The following SLC9A9 variants were observed in gnomAD, a reference collection of about 807,000 sequenced individuals.
SLC9A9 encodes solute carrier family 9 member A9.
In SLC9A9, 62 loss-of-function variants were observed where a neutral mutation model predicts 77.8. That is an observed-to-expected ratio of 0.80 (90% confidence interval 0.65 to 0.98). The LOEUF (loss-of-function observed/expected upper bound fraction) is 0.98. Among genes scored for constraint, SLC9A9 ranks in the 50% least tolerant of loss-of-function variants. The pLI is 0.00. For missense variants in SLC9A9, 775 were observed against 774.9 expected (o/e 1.00, Z 0.00); for synonymous variants, 320 against 283.5 (o/e 1.13, Z -1.29).
intron 4 of SLC9A9, among the ~76,000 whole-genome samples, chr3:143,774,603 G>T (rs145854577): frequency 6.6e-6 from 1 of 152,160 alleles, no homozygotes; most frequent in African/African-American, 2.4e-5. Flanking sequence ...AGACAGAGTA[G>T]CCTGGAAGTG....
intron 9 of SLC9A9, among the ~76,000 whole-genome samples, chr3:143,496,449 T>C (rs2035834317): frequency 6.6e-6 from 1 of 152,242 alleles, no homozygotes; most frequent in South Asian, 2.1e-4. Context: ...TTTCATGTAA[T>C]GTATTTACAG....
intron 14 of SLC9A9, among the ~76,000 whole-genome samples, chr3:143,341,132 C>T (rs940606792): frequency 1.3e-5 from 2 of 152,130 alleles, no homozygotes; most frequent in African/African-American, 4.8e-5. Context: ...GAATTCCTTT[C>T]GCTGGATGTA....
chr3:143,358,732 TTTC>T (rs2032657990), intron 14 of SLC9A9, among the ~76,000 whole-genome samples: 1 of 152,200 alleles, frequency 6.6e-6, no homozygotes, highest in African/African-American at 2.4e-5. Context: ...GGGGCATCAA[TTTC>T]TTCTTCTTAC....
At chr3:143,700,423 A>G (rs1260973251) in intron 4 of SLC9A9, among the ~76,000 whole-genome samples, 1 of 152,196 alleles carries the variant, frequency 6.6e-6, no homozygotes, top group Non-Finnish European at 1.5e-5. Context: ...GCCCTGGGCC[A>G]GAGGGGAGGC....
intron 14 of SLC9A9, among the ~76,000 whole-genome samples, chr3:143,329,445 T>C (rs2031700258): frequency 6.6e-6 from 1 of 152,220 alleles, no homozygotes; most frequent in Non-Finnish European, 1.5e-5. Flanking sequence ...TGACATGAAA[T>C]TTGAAATCAT....
intron 14 of SLC9A9, among the ~76,000 whole-genome samples, chr3:143,287,782 C>T (rs941293288): frequency 1.3e-5 from 2 of 151,974 alleles, no homozygotes; most frequent in Non-Finnish European, 2.9e-5. Context: ...TAGGAATGGC[C>T]GGGGTGAAGA....
At chr3:143,472,864 T>C (rs1437889701) in intron 11 of SLC9A9, among the ~76,000 whole-genome samples, 1 of 152,218 alleles carries the variant, frequency 6.6e-6, no homozygotes, top group Non-Finnish European at 1.5e-5. Context: ...TTTATTGAGA[T>C]CCTTTAAAAC....
At chr3:143,841,751 G>GTTCTTTTCTTTTTTTTT (rs1303211006) in intron 1 of SLC9A9, among the ~76,000 whole-genome samples, 1 of 10,132 alleles carries the variant, frequency 9.9e-5, no homozygotes, top group Non-Finnish European at 3.4e-4. Context: ...AAATATAGAG[G>GTTCTTTTCTTTTTTTTT]CTCTTTTCTT....
At position 143,576,888 on chromosome 3, in the gene SLC9A9, G is replaced by A. The variant is rs112649380; in HGVS notation, c.894+1697C>T. 3.9e-5 allele frequency among the ~76,000 whole-genome samples: 6 copies of A among 152,234 alleles called. 1 individual carries two copies. The highest frequency in any genetic ancestry group is 1.4e-4 in the African/African-American group (6 of 41,542). On this transcript the variant is annotated intron_variant, in intron 7 of 15. Coordinates refer to ENST00000316549, the MANE Select transcript of SLC9A9 (RefSeq NM_173653.4). ...TCTGACTGACTTTATTTCTGTCAAT[G>A]GAGATGCCATTTTACAAGGTTCTCA... is the stretch of plus-strand genomic sequence containing the variant.
chr3:143,717,065 C>T (rs1418648650), intron 4 of SLC9A9, among the ~76,000 whole-genome samples: 2 of 152,134 alleles, frequency 1.3e-5, no homozygotes, highest in Non-Finnish European at 2.9e-5. Context: ...GAGAGCCTCC[C>T]AGGGTGGGTA....
At chr3:143,674,507 G>A (rs1362221786) in intron 5 of SLC9A9, among the ~76,000 whole-genome samples, 1 of 152,118 alleles carries the variant, frequency 6.6e-6, no homozygotes, top group Non-Finnish European at 1.5e-5. Context: ...CAGCGCCCTG[G>A]TTCACACTTC....
chr3:143,630,304 A>G (rs1457299952), intron 6 of SLC9A9, among the ~76,000 whole-genome samples: 2 of 152,208 alleles, frequency 1.3e-5, no homozygotes, highest in Non-Finnish European at 2.9e-5. Flanking sequence ...GCAACAGCAG[A>G]AAATAACCAC....
chr3:143,630,503 A>G (rs547210780), intron 6 of SLC9A9, among the ~76,000 whole-genome samples: 224 of 152,322 alleles, frequency 1.5e-3, no homozygotes, highest in African/African-American at 4.1e-3. Context: ...TTCTTTTATC[A>G]CAGAAGCTAA....
intron 12 of SLC9A9, among the ~76,000 whole-genome samples, chr3:143,435,705 G>T (rs928482713): frequency 1.3e-5 from 2 of 152,162 alleles, no homozygotes; most frequent in African/African-American, 4.8e-5. Context: ...AGGAATGTAT[G>T]CTGGGGTGGG....
At chr3:143,303,387 G>A (rs1366396249) in intron 14 of SLC9A9, among the ~76,000 whole-genome samples, 1 of 135,118 alleles carries the variant, frequency 7.4e-6, no homozygotes, top group Non-Finnish European at 1.6e-5. Context: ...TTTTTTTTTT[G>A]AGGGAAGGAG....
At chr3:143,469,521 C>T (rs557337993) in intron 11 of SLC9A9, among the ~76,000 whole-genome samples, 81 of 152,076 alleles carry the variant, frequency 5.3e-4, no homozygotes, top group Admixed American at 1.2e-3. Context: ...AATCTGTATT[C>T]GTACATTAAA....
chr3:143,566,843 G>A (rs151244237), intron 8 of SLC9A9, among the ~76,000 whole-genome samples: 134 of 152,134 alleles, frequency 8.8e-4, no homozygotes, highest in African/African-American at 3.0e-3. Flanking sequence ...TGCTTCTGGC[G>A]AAAACCTGAC....
At chr3:143,613,355 CTG>C (rs2108702033) in intron 6 of SLC9A9, among the ~76,000 whole-genome samples, 1 of 152,240 alleles carries the variant, frequency 6.6e-6, no homozygotes, top group Admixed American at 6.5e-5. Flanking sequence ...AAAATTAAGA[CTG>C]TTGTGAAACA....
At chr3:143,568,607 AT>A (rs1388910839) in intron 8 of SLC9A9, among the ~76,000 whole-genome samples, 5 of 152,168 alleles carry the variant, frequency 3.3e-5, no homozygotes, top group Non-Finnish European at 7.4e-5. Context: ...TAGGAATATT[AT>A]TGGGCACAGA....
Sources: gnomAD v4.1 joint callset for allele counts (sites outside exome capture counted in the v4.1 genomes callset) on GRCh38, gnomAD v4.1.1 for gene constraint, MANE v1.5 for transcripts, NCBI Gene and HGNC (gene_info 2026-07-23, HGNC 2026-07-21) for gene names.